PTPRT: variants seen among roughly 807,000 people sequenced by gnomAD.
PTPRT encodes the protein protein tyrosine phosphatase receptor type T.
A neutral mutation model predicts 176.8 loss-of-function variants in PTPRT; 56 were observed. The ratio of observed to expected loss-of-function variants is 0.32; its 90% CI spans 0.26 to 0.40. PTPRT has a LOEUF of 0.40. Ranked by LOEUF, PTPRT falls within the 10% of genes least tolerant of loss-of-function variation. The pLI is 1.00. For missense variants in PTPRT, 1,540 were observed against 1,908.2 expected (o/e 0.81, Z 3.60); for synonymous variants, 783 against 739.0 (o/e 1.06, Z -0.96).
intron 1 of PTPRT, among the ~76,000 whole-genome samples, chr20:43,102,431 T>C (rs1385335980): frequency 6.6e-6 from 1 of 152,154 alleles, no homozygotes; most frequent in East Asian, 1.9e-4. Flanking sequence ...GAGACATAAG[T>C]GTATTTTCAA....
At chr20:42,834,228 A>T (rs141368841) in intron 2 of PTPRT, among the ~76,000 whole-genome samples, 214 of 152,322 alleles carry the variant, frequency 1.4e-3, no homozygotes, top group Non-Finnish European at 2.5e-3. Context: ...GATGTACAGA[A>T]AGCAAATAAG....
intron 1 of PTPRT, among the ~76,000 whole-genome samples, chr20:43,007,192 G>T (rs1294748429): frequency 6.6e-6 from 1 of 152,198 alleles, no homozygotes; most frequent in Non-Finnish European, 1.5e-5. Flanking sequence ...GAGCAAAAGT[G>T]AAAGCTGTCT....
At chr20:42,474,927 C>G (rs2145303117) in intron 7 of PTPRT, among the ~76,000 whole-genome samples, 1 of 152,260 alleles carries the variant, frequency 6.6e-6, no homozygotes, top group Non-Finnish European at 1.5e-5. Context: ...CCCAATACAA[C>G]AGTCACCCAC....
rs116836368 is a variant in PTPRT, at chr20:43,109,788, G to C, written c.88+79858C>G. Among the ~76,000 whole-genome samples, 941 of 152,272 alleles carry C rather than the reference G, an allele frequency of 6.2e-3. 9 individuals carry two copies. Among genetic ancestry groups the C allele is most frequent in the African/African-American group, 0.021 (893 of 41,556 alleles). On this transcript the variant is annotated intron_variant, in intron 1 of 30. Transcript: ENST00000373187. ...AAGTTAAGACCCAAAGTGAGGAAAG[G>C]AGTTGGAGAAACAGCACTCCAAGCA...
intron 7 of PTPRT, among the ~76,000 whole-genome samples, chr20:42,504,575 A>G (rs926310780): frequency 6.6e-6 from 1 of 152,140 alleles, no homozygotes; most frequent in Non-Finnish European, 1.5e-5. Context: ...CTTTTTTCCT[A>G]TTACCAGTTT....
intron 1 of PTPRT, among the ~76,000 whole-genome samples, chr20:43,156,255 C>A (rs2014520318): frequency 6.6e-6 from 1 of 152,200 alleles, no homozygotes; most frequent in Non-Finnish European, 1.5e-5. Context: ...GGCATGGAGG[C>A]TTGTCCATAA....
At chr20:43,056,580 T>A (rs1324837080) in intron 1 of PTPRT, among the ~76,000 whole-genome samples, 1 of 152,160 alleles carries the variant, frequency 6.6e-6, no homozygotes, top group Non-Finnish European at 1.5e-5. Flanking sequence ...TAAAATTTTA[T>A]TGCGTGAATC....
chr20:42,168,013 T>C (rs939428935), intron 16 of PTPRT, among the ~76,000 whole-genome samples: 15 of 152,230 alleles, frequency 9.9e-5, no homozygotes, highest in Non-Finnish European at 7.3e-5. Flanking sequence ...ATATGTGTTA[T>C]ATATTGTATT....
intron 6 of PTPRT, 92 bp downstream of exon 6, chr20:42,756,370 G>A (rs775573814): frequency 1.6e-6 from 2 of 1,271,802 alleles, no homozygotes; most frequent in Non-Finnish European, 2.1e-6. Context: ...TTTACTGAAT[G>A]TGGGGGAGGA....
chr20:42,615,411 C>T (rs1461081977), intron 7 of PTPRT, among the ~76,000 whole-genome samples: 1 of 137,960 alleles, frequency 7.2e-6, no homozygotes, highest in Non-Finnish European at 1.5e-5. Flanking sequence ...GTGCATGTGT[C>T]TTTATAGCAG....
At chr20:42,766,802 G>T (rs534250114) in intron 5 of PTPRT, among the ~76,000 whole-genome samples, 1 of 152,142 alleles carries the variant, frequency 6.6e-6, no homozygotes, top group East Asian at 1.9e-4. Context: ...ACAACTGGCC[G>T]AGTTGAGAAG....
intron 1 of PTPRT, among the ~76,000 whole-genome samples, chr20:43,124,411 T>C (rs2013370329): frequency 6.6e-6 from 1 of 152,226 alleles, no homozygotes; most frequent in African/African-American, 2.4e-5. Flanking sequence ...TCTGGCAACA[T>C]CTCCACACTG....
At chr20:42,266,126 G>C (rs1364688805) in intron 13 of PTPRT, among the ~76,000 whole-genome samples, 1 of 152,196 alleles carries the variant, frequency 6.6e-6, no homozygotes, top group Non-Finnish European at 1.5e-5. Context: ...AGGCCTGGCT[G>C]TACAGGGACT....
At chr20:42,238,317 T>C (rs2056285176) in intron 14 of PTPRT, among the ~76,000 whole-genome samples, 1 of 152,038 alleles carries the variant, frequency 6.6e-6, no homozygotes, top group Non-Finnish European at 1.5e-5. Flanking sequence ...GGGGCTGAGC[T>C]AGGGAAAATG....
At chr20:42,943,622 C>T (rs184817597) in intron 1 of PTPRT, among the ~76,000 whole-genome samples, 4 of 152,312 alleles carry the variant, frequency 2.6e-5, no homozygotes, top group Non-Finnish European at 4.4e-5. Context: ...GAATCTTTCA[C>T]TTTCCTACAA....
chr20:42,766,223 T>C (rs997412453), intron 5 of PTPRT, among the ~76,000 whole-genome samples: 2 of 152,210 alleles, frequency 1.3e-5, no homozygotes, highest in African/African-American at 2.4e-5. Context: ...AAAAATTGCT[T>C]GCAAAGTTAC....
Position 42,333,909 on chromosome 20 carries a change from G to A in PTPRT, c.1865+16719C>T, listed in dbSNP as rs557497216. 2.6e-5 allele frequency among the ~76,000 whole-genome samples: 4 copies of A among 152,136 alleles called. No homozygotes were observed. The South Asian group carries it at 6.2e-4, about 24-fold the overall frequency. On this transcript the variant is annotated intron_variant, in intron 11 of 30. Coordinates refer to ENST00000373187, the MANE Select transcript of PTPRT (RefSeq NM_007050.6). ...TTGGCCAGGCTGGTCTTGATCTCCT[G>A]ACCTCAAGTGACCCGCCCACCTTGG...
At chr20:42,162,224 C>G (rs964599797) in intron 16 of PTPRT, among the ~76,000 whole-genome samples, 1 of 152,180 alleles carries the variant, frequency 6.6e-6, no homozygotes, top group African/African-American at 2.4e-5. Flanking sequence ...CATCACTGAA[C>G]CCACTTTGCA....
At chr20:42,930,646 CT>C (rs1039521254) in intron 1 of PTPRT, among the ~76,000 whole-genome samples, 4 of 151,118 alleles carry the variant, frequency 2.6e-5, no homozygotes, top group African/African-American at 9.7e-5. Flanking sequence ...CCATGCCTGG[CT>C]TTTTTTTTAT....
Sources: gnomAD v4.1 joint callset for allele counts (sites outside exome capture counted in the v4.1 genomes callset) on GRCh38, gnomAD v4.1.1 for gene constraint, MANE v1.5 for transcripts, NCBI Gene and HGNC (gene_info 2026-07-23, HGNC 2026-07-21) for gene names.